The following RIMS1 variants were observed in gnomAD, a reference collection of about 807,000 sequenced individuals.
The protein encoded by RIMS1 is regulating synaptic membrane exocytosis protein 1.
In RIMS1, 83 loss-of-function variants were observed where a neutral mutation model predicts 214.1. That is an observed-to-expected ratio of 0.39 (90% CI 0.32 to 0.47). The LOEUF (loss-of-function observed/expected upper bound fraction) is 0.47, where lower values mean the gene tolerates loss of function less well. Among genes scored for constraint, RIMS1 ranks in the 20% least tolerant of loss-of-function variants. The pLI, the probability that RIMS1 is intolerant of heterozygous loss-of-function variation, is 0.99. For synonymous variants in RIMS1, 793 were observed against 786.8 expected (o/e 1.01, Z -0.13); for missense variants, 2,050 against 2,161.8 (o/e 0.95, Z 1.03).
intron 2 of RIMS1, among the ~76,000 whole-genome samples, chr6:72,011,134 T>G (rs535277371): frequency 6.6e-6 from 1 of 152,218 alleles, no homozygotes; most frequent in East Asian, 1.9e-4. Context: ...AACAGAGATA[T>G]AGACCAATGG....
chr6:72,100,157 A>G (rs1411270323), intron 4 of RIMS1, among the ~76,000 whole-genome samples, 171 bp downstream of exon 4: 1 of 152,076 alleles, frequency 6.6e-6, no homozygotes, highest in Non-Finnish European at 1.5e-5. Context: ...AGCATTACAG[A>G]GTTTGATATT....
At chr6:72,216,519 C>T in intron 6 of RIMS1, 1 of 985,372 alleles carries the variant, frequency 1.0e-6, no homozygotes, top group Non-Finnish European at 1.2e-6. Flanking sequence ...CTTTCTGGTG[C>T]CAGTTGTCAT....
intron 6 of RIMS1, among the ~76,000 whole-genome samples, chr6:72,185,403 A>G (rs921622599): frequency 1.3e-5 from 2 of 152,206 alleles, no homozygotes; most frequent in Admixed American, 6.5e-5. Flanking sequence ...CAAGGAAATC[A>G]TGAAAGAGAT....
At chr6:71,898,001 G>A (rs1392074203) in intron 1 of RIMS1, among the ~76,000 whole-genome samples, 1 of 152,084 alleles carries the variant, frequency 6.6e-6, no homozygotes. Context: ...AGAGAACCAG[G>A]TTGACCAGAA....
chr6:72,225,434 A>T (rs2059902232), intron 6 of RIMS1, among the ~76,000 whole-genome samples: 1 of 152,094 alleles, frequency 6.6e-6, no homozygotes, highest in Admixed American at 6.6e-5. Flanking sequence ...TTGATTTGAC[A>T]TTCAGAATAT....
At chr6:72,066,637 T>TA (rs1829370956) in intron 2 of RIMS1, among the ~76,000 whole-genome samples, 1 of 152,212 alleles carries the variant, frequency 6.6e-6, no homozygotes, top group South Asian at 2.1e-4. Context: ...TAATAGTTTT[T>TA]ATATCTTAGA....
rs1238726335 is a variant in RIMS1, at chr6:72,096,946, T to C, written c.246-3T>C. The C allele has an allele frequency of 6.2e-7, 1 of 1,611,862 alleles. No individual in the cohort carries two copies. Among genetic ancestry groups the C allele is most frequent in the East Asian group, 2.2e-5 (1 of 44,820 alleles). On this transcript the variant is annotated splice_polypyrimidine_tract_variant and splice_region_variant and intron_variant, in intron 2 of 33. Transcript: ENST00000521978. ...GTTTGCTACCATTTTCTCTTTTGCCTAGGAGATTGCATCAACAGTTTGAAA... is the reference window on the plus strand; with the variant it reads ...GTTTGCTACCATTTTCTCTTTTGCCCAGGAGATTGCATCAACAGTTTGAAA...
chr6:71,927,666 C>T lies in RIMS1; in HGVS notation c.164+40479C>T, dbSNP rs566264631. On this transcript the variant is annotated intron_variant, in intron 1 of 33. Transcript: ENST00000521978. ...ATTATTGTTTAATTTCTAGGGAAAT[C>T]TATACTCCTTAATATTCTGGCCACA... Among the ~76,000 whole-genome samples, 186 of 152,164 alleles carry T rather than the reference C, an allele frequency of 1.2e-3. 1 individual carries two copies. Among genetic ancestry groups the T allele is most frequent in the Non-Finnish European group, 2.3e-3 (158 of 67,926 alleles).
intron 29 of RIMS1, among the ~76,000 whole-genome samples, chr6:72,363,947 C>T (rs773295483): frequency 2.8e-4 from 42 of 152,158 alleles, no homozygotes; most frequent in Non-Finnish European, 5.0e-4. Flanking sequence ...CACAGCTTCC[C>T]GTTCCTGTGG....
chr6:71,970,184 A>G (rs1365580059), intron 2 of RIMS1, among the ~76,000 whole-genome samples: 4 of 152,222 alleles, frequency 2.6e-5, no homozygotes, highest in Non-Finnish European at 4.4e-5. Flanking sequence ...ATAGTTTTGA[A>G]TTAGCAATAG....
chr6:72,029,046 G>A (rs1219292665), intron 2 of RIMS1, among the ~76,000 whole-genome samples: 1 of 152,152 alleles, frequency 6.6e-6, no homozygotes, highest in East Asian at 1.9e-4. Flanking sequence ...CACAGTTCAT[G>A]TAAAAAGGGA....
intron 4 of RIMS1, among the ~76,000 whole-genome samples, chr6:72,160,794 A>T (rs189595229): frequency 7.1e-6 from 1 of 140,850 alleles, no homozygotes; most frequent in East Asian, 2.0e-4. Flanking sequence ...CCAGTATTTT[A>T]TTGAGGATTT....
At chr6:72,130,053 T>A (rs75031862) in intron 4 of RIMS1, among the ~76,000 whole-genome samples, 293 of 152,280 alleles carry the variant, frequency 1.9e-3, no homozygotes, top group Middle Eastern at 6.8e-3. Flanking sequence ...AATAAGTTGA[T>A]TTTAGTTAGA....
rs146149131 is a variant in RIMS1 at position 72,205,289 on chromosome 6, A to G, written c.1678+22140A>G. Among the ~76,000 whole-genome samples the G allele has an allele frequency of 6.6e-5, 10 of 152,318 alleles. No individual in the cohort carries two copies. The East Asian group carries it at 1.7e-3, about 26-fold the overall frequency. On this transcript the variant is annotated intron_variant, in intron 6 of 33. Coordinates refer to ENST00000521978, the MANE Select transcript of RIMS1 (RefSeq NM_014989.7). ...TTTAAGAAAGAAATAAAGCAACATCAATAACATCAATAATAATAGTGAAAC... is the reference window on the plus strand; with the variant it reads ...TTTAAGAAAGAAATAAAGCAACATCGATAACATCAATAATAATAGTGAAAC...
At chr6:72,053,150 C>T (rs1825188260) in intron 2 of RIMS1, among the ~76,000 whole-genome samples, 1 of 152,142 alleles carries the variant, frequency 6.6e-6, no homozygotes, top group South Asian at 2.1e-4. Context: ...GGTCTGACTC[C>T]TCTCTCTAAA....
intron 29 of RIMS1, among the ~76,000 whole-genome samples, chr6:72,375,405 A>G (rs539638465): frequency 1.3e-5 from 2 of 152,072 alleles, no homozygotes; most frequent in African/African-American, 2.4e-5. Flanking sequence ...CTTTCTGATC[A>G]CTCAGTAAAT....
At chr6:72,121,892 C>A (rs543002314) in intron 4 of RIMS1, among the ~76,000 whole-genome samples, 61 of 151,988 alleles carry the variant, frequency 4.0e-4, no homozygotes, top group Middle Eastern at 6.8e-3. Flanking sequence ...AAGGACTTTT[C>A]TGCACCTATT....
Position 72,280,969 on chromosome 6 carries a change from T to C in RIMS1, c.3483-3078T>C, listed in dbSNP as rs565816700. Among the ~76,000 whole-genome samples, 5 of 152,272 alleles carry C rather than the reference T, an allele frequency of 3.3e-5. No homozygotes were observed. In the South Asian group the frequency reaches 6.2e-4, roughly 19 times the overall value. ...CAAAACCTGTGTGTGTGTGCAGTGG[T>C]AGTGGTATTATTGCCACTTTTTAGG... On this transcript the variant is annotated intron_variant, in intron 23 of 33. Transcript: ENST00000521978.
chr6:72,179,184 A>G (rs1337108344), intron 4 of RIMS1, among the ~76,000 whole-genome samples: 1 of 152,146 alleles, frequency 6.6e-6, no homozygotes, highest in Non-Finnish European at 1.5e-5. Context: ...CTGATTCTGT[A>G]GTTCCTGGTA....
Sources: allele counts gnomAD v4.1 joint callset (sites outside exome capture counted in the v4.1 genomes callset), GRCh38; gene constraint gnomAD v4.1.1; transcripts MANE v1.5; gene names NCBI Gene and HGNC (gene_info 2026-07-23, HGNC 2026-07-21).